LGR6: variants seen among roughly 807,000 people sequenced by gnomAD.
The protein encoded by LGR6 is leucine-rich repeat-containing G protein-coupled receptor 6.
Under a neutral mutation model 69.4 loss-of-function variants are expected in LGR6, and 45 were observed. The ratio of observed to expected loss-of-function variants is 0.65; its 90% confidence interval spans 0.51 to 0.83. LGR6 has a LOEUF of 0.83. Among genes scored for constraint, LGR6 ranks in the 40% least tolerant of loss-of-function variants. The pLI is 0.00. For synonymous variants in LGR6, 538 were observed against 555.0 expected (o/e 0.97, Z 0.43); for missense variants, 1,108 against 1,246.7 (o/e 0.89, Z 1.68).
chr1:202,262,855 C>G (rs1439176115), intron 4 of LGR6, among the ~76,000 whole-genome samples: 1 of 152,128 alleles, frequency 6.6e-6, no homozygotes, highest in African/African-American at 2.4e-5. Flanking sequence ...TTGAATTTTG[C>G]TTTTTTAATT....
At chr1:202,216,009 C>G (rs1394187522) in intron 1 of LGR6, among the ~76,000 whole-genome samples, 1 of 152,236 alleles carries the variant, frequency 6.6e-6, no homozygotes, top group East Asian at 1.9e-4. Flanking sequence ...ATTGTCCACT[C>G]TGTTGTCATT....
intron 17 of LGR6, among the ~76,000 whole-genome samples, chr1:202,317,339 G>T (rs376212509): frequency 1.6e-5 from 2 of 128,082 alleles, no homozygotes; most frequent in African/African-American, 2.6e-5. Flanking sequence ...GTGTTTTTTT[G>T]TTTTTTTTTT....
Position 202,256,432 on chromosome 1 carries a change from G to A in LGR6, c.429-19874G>A, listed in dbSNP as rs57641897. 9.7e-3 allele frequency among the ~76,000 whole-genome samples: 1,480 copies of A among 152,108 alleles called. 27 individuals carry two copies. Among genetic ancestry groups the A allele is most frequent in the African/African-American group, 0.033 (1,384 of 41,472 alleles). On this transcript the variant is annotated intron_variant, in intron 4 of 17. Transcript: ENST00000367278. Reference sequence around the variant, plus strand: ...CTAATTTTTGTATTTTAGTAGAGACGGGGTTTCACCATGTTGGCCAGGCTG... The same window carrying A: ...CTAATTTTTGTATTTTAGTAGAGACAGGGTTTCACCATGTTGGCCAGGCTG...
At chr1:202,290,253 C>T (rs1240683832) in intron 6 of LGR6, among the ~76,000 whole-genome samples, 2 of 152,186 alleles carry the variant, frequency 1.3e-5, no homozygotes, top group Non-Finnish European at 2.9e-5. Context: ...TCAAGATGAT[C>T]CTGTTGGTGC....
At chr1:202,279,106 G>T (rs536092035) in intron 5 of LGR6, among the ~76,000 whole-genome samples, 1 of 152,266 alleles carries the variant, frequency 6.6e-6, no homozygotes, top group South Asian at 2.1e-4. Flanking sequence ...GCAGAAGGGG[G>T]TGGAAAATGG....
intron 4 of LGR6, among the ~76,000 whole-genome samples, chr1:202,242,360 G>A (rs1396754949): frequency 1.3e-5 from 2 of 151,978 alleles, no homozygotes; most frequent in Admixed American, 6.6e-5. Flanking sequence ...TAATCTTTAG[G>A]ATCCAGAGAC....
intron 7 of LGR6, among the ~76,000 whole-genome samples, chr1:202,300,011 C>T (rs2148256099): frequency 6.6e-6 from 1 of 152,314 alleles, no homozygotes; most frequent in South Asian, 2.1e-4. Flanking sequence ...TTCAGCGGCC[C>T]ATTCCGCACC....
chr1:202,212,392 G>A (rs951548428), intron 1 of LGR6, among the ~76,000 whole-genome samples: 2 of 152,198 alleles, frequency 1.3e-5, no homozygotes, highest in African/African-American at 4.8e-5. Flanking sequence ...CGCTTACCTG[G>A]GTTAGTTTCC....
At chr1:202,314,297 T>G (rs189188989) in intron 16 of LGR6, among the ~76,000 whole-genome samples, 54 of 152,316 alleles carry the variant, frequency 3.5e-4, no homozygotes, top group African/African-American at 1.3e-3. Context: ...CACCGCCCAG[T>G]TGCTTTGACT....
chr1:202,277,092 C>T (rs1417165733), intron 5 of LGR6, among the ~76,000 whole-genome samples: 1 of 152,126 alleles, frequency 6.6e-6, no homozygotes, highest in Non-Finnish European at 1.5e-5. Flanking sequence ...CAAATTAGCT[C>T]CCAGCTAATT....
At chr1:202,196,899 C>T (rs12127288) in intron 1 of LGR6, 1 of 412,430 alleles carries the variant, frequency 2.4e-6, no homozygotes, top group Non-Finnish European at 5.0e-6. Flanking sequence ...TTGGCTGGTT[C>T]TGGGGACTTG....
chr1:202,275,239 G>A (rs1053484392), intron 4 of LGR6, among the ~76,000 whole-genome samples: 5 of 152,166 alleles, frequency 3.3e-5, no homozygotes, highest in Non-Finnish European at 7.3e-5. Context: ...TCAGGGCTAA[G>A]CCTCGCTTCA....
chr1:202,201,126 G>T (rs1658821492), intron 1 of LGR6, among the ~76,000 whole-genome samples: 2 of 152,202 alleles, frequency 1.3e-5, no homozygotes, highest in South Asian at 2.1e-4. Flanking sequence ...TGAATTTGAG[G>T]CTGGGACCAG....
chr1:202,235,101 T>C (rs956838988), intron 3 of LGR6, among the ~76,000 whole-genome samples: 1 of 152,184 alleles, frequency 6.6e-6, no homozygotes, highest in African/African-American at 2.4e-5. Context: ...CTCAAAACTT[T>C]CTAAGTCCCC....
At chr1:202,258,481 C>T (rs1475033291) in intron 4 of LGR6, among the ~76,000 whole-genome samples, 6 of 151,796 alleles carry the variant, frequency 4.0e-5, no homozygotes, top group Non-Finnish European at 7.4e-5. Context: ...TTATGTATCT[C>T]AGTAATATTT....
At chr1:202,253,308 T>C (rs75437944) in intron 4 of LGR6, among the ~76,000 whole-genome samples, 1 of 132,992 alleles carries the variant, frequency 7.5e-6, no homozygotes, top group African/African-American at 2.9e-5. Flanking sequence ...CCTAATACTC[T>C]TTTTTTTTTT....
At chr1:202,204,653 A>ACG (rs1659017917) in intron 1 of LGR6, among the ~76,000 whole-genome samples, 1 of 33,428 alleles carries the variant, frequency 3.0e-5, no homozygotes. Flanking sequence ...ACACACACAC[A>ACG]CCTCCAAACA....
At chr1:202,297,720 G>A in intron 7 of LGR6, 144 bp downstream of exon 7, 1 of 602,194 alleles carries the variant, frequency 1.7e-6, no homozygotes, top group Non-Finnish European at 2.8e-6. Flanking sequence ...TCCCGCCCCG[G>A]CTCCCCAAGC....
rs548446631 is a variant in LGR6, at chr1:202,314,847, A to G, written c.1613A>G (p.Lys538Arg). 4.8e-5 allele frequency: 77 copies of G among 1,614,098 alleles called. No individual in the cohort carries two copies. The highest frequency in any genetic ancestry group is 6.3e-5 in the Non-Finnish European group (74 of 1,179,958). ...CTCCAGCTGGAGATGGAGGACTCAA[A>G]GCCACACCCCAGTGTCCAGTGTAGC... ...DELQLEMEDS[K>R]PHPSVQCSPT... The change falls in exon 17 of 18, where the codon AAG becomes AGG. Residue 538 changes from lysine to arginine, a missense_variant. By Grantham distance (26) the Lys-to-Arg change is conservative. Coordinates refer to ENST00000367278, the MANE Select transcript of LGR6 (RefSeq NM_001017403.2).
Sources: allele counts gnomAD v4.1 joint callset (sites outside exome capture counted in the v4.1 genomes callset), GRCh38; gene constraint gnomAD v4.1.1; transcripts MANE v1.5; gene names NCBI Gene and HGNC (gene_info 2026-07-23, HGNC 2026-07-21).